PRR5L: variants seen among roughly 807,000 people sequenced by gnomAD.
PRR5L encodes proline-rich protein 5-like.
PRR5L carries 21 observed loss-of-function variants against 36.4 expected under a neutral mutation model. The ratio of observed to expected loss-of-function variants is 0.58; its 90% CI spans 0.41 to 0.83. PRR5L has a LOEUF of 0.83. Among genes scored for constraint, PRR5L ranks in the 40% least tolerant of loss-of-function variants. The pLI is 0.00. For missense variants in PRR5L, 381 were observed against 473.3 expected (o/e 0.80, Z 1.81); for synonymous variants, 188 against 197.0 (o/e 0.95, Z 0.38).
At chr11:36,359,444 G>A (rs944385997) in intron 1 of PRR5L, among the ~76,000 whole-genome samples, 2 of 152,078 alleles carry the variant, frequency 1.3e-5, no homozygotes, top group Admixed American at 1.3e-4. Context: ...GGAGTCTAGG[G>A]CATTAATTTT....
Position 36,339,063 on chromosome 11 carries a change from T to G in PRR5L, c.-126+42625T>G, listed in dbSNP as rs529162062. Among the ~76,000 whole-genome samples, 3 of 152,300 alleles carry G rather than the reference T, an allele frequency of 2.0e-5. No homozygotes were observed. In the South Asian group the frequency reaches 6.2e-4, roughly 32 times the overall value. ...AGTACCTTCTGCCCTCTATCATGAT[T>G]GTGAGACCTTCCTCAGCCATGTGGA... On this transcript the variant is annotated intron_variant, in intron 1 of 8. Coordinates refer to ENST00000530639, the MANE Select transcript of PRR5L (RefSeq NM_001160167.2).
intron 1 of PRR5L, among the ~76,000 whole-genome samples, chr11:36,356,271 T>C (rs569944825): frequency 3.3e-5 from 5 of 152,238 alleles, no homozygotes; most frequent in African/African-American, 9.6e-5. Context: ...CTGTCACTAG[T>C]AGGGAAGCAT....
At chr11:36,376,463 A>G (rs1857263537) in intron 1 of PRR5L, 2 of 1,123,700 alleles carry the variant, frequency 1.8e-6, no homozygotes, top group Non-Finnish European at 2.2e-6. Flanking sequence ...CTCGCGCTGG[A>G]GAGGAACCGA....
chr11:36,350,711 TC>T (rs1172780955), intron 1 of PRR5L, among the ~76,000 whole-genome samples: 1 of 150,846 alleles, frequency 6.6e-6, no homozygotes, highest in African/African-American at 2.4e-5. Context: ...TTCCCCCGAG[TC>T]CCCAAGTCCA....
chr11:36,416,191 T>C (rs1858139190), intron 3 of PRR5L, among the ~76,000 whole-genome samples: 1 of 152,210 alleles, frequency 6.6e-6, no homozygotes, highest in Non-Finnish European at 1.5e-5. Flanking sequence ...TCTGCATATA[T>C]ATATATAACA....
At chr11:36,343,350 A>G (rs570049581) in intron 1 of PRR5L, among the ~76,000 whole-genome samples, 2 of 152,346 alleles carry the variant, frequency 1.3e-5, no homozygotes, top group East Asian at 1.9e-4. Flanking sequence ...AAAAGTATAT[A>G]AGACGCCTTG....
At chr11:36,443,397 GA>G (rs1177064720) in intron 6 of PRR5L, among the ~76,000 whole-genome samples, 1 of 152,168 alleles carries the variant, frequency 6.6e-6, no homozygotes, top group African/African-American at 2.4e-5. Flanking sequence ...TAACACTGGA[GA>G]AAACATTTCA....
rs111329133 is a variant in PRR5L at position 36,299,897 on chromosome 11, G to A, written c.-126+3459G>A. ...GGTAAACAACAACAACAACAACAAC[G>A]ACAAACACTTCATCGCTGCTTGCAC... On this transcript the variant is annotated intron_variant, in intron 1 of 8. Coordinates refer to ENST00000530639, the MANE Select transcript of PRR5L (RefSeq NM_001160167.2). Among the ~76,000 whole-genome samples the A allele has an allele frequency of 3.1e-3, 466 of 152,134 alleles. 2 individuals are homozygous for A. The highest frequency in any genetic ancestry group is 0.011 in the African/African-American group (442 of 41,486).
At chr11:36,458,214 G>A (rs899764719) in intron 8 of PRR5L, among the ~76,000 whole-genome samples, 1 of 152,170 alleles carries the variant, frequency 6.6e-6, no homozygotes, top group Non-Finnish European at 1.5e-5. Context: ...CTTGACTTCA[G>A]TGGGTGGGCT....
chr11:36,341,248 T>C (rs1193103212), intron 1 of PRR5L, among the ~76,000 whole-genome samples: 2 of 152,176 alleles, frequency 1.3e-5, no homozygotes, highest in African/African-American at 2.4e-5. Flanking sequence ...GTTACTTGCC[T>C]GGCAGCCATG....
rs764886945 is a variant in PRR5L, at chr11:36,363,092, A to G, written c.-125-37905A>G. On this transcript the variant is annotated intron_variant, in intron 1 of 8. Transcript: ENST00000530639. ...TCTGCACCCTCGACCTGTGTGCAAT[A>G]ACTACTGCCTTTCCCAGACCACAGG... Among the ~76,000 whole-genome samples, 56 of 152,304 alleles carry G rather than the reference A, an allele frequency of 3.7e-4. 1 individual carries two copies. Among genetic ancestry groups the G allele is most frequent in the Admixed American group, 3.9e-4 (6 of 15,296 alleles).
At chr11:36,414,270 A>G (rs1858092694) in intron 3 of PRR5L, among the ~76,000 whole-genome samples, 2 of 150,796 alleles carry the variant, frequency 1.3e-5, no homozygotes, top group Admixed American at 1.3e-4. Flanking sequence ...CTAGTTCTAC[A>G]TCCCTGAGGA....
chr11:36,339,744 G>A lies in PRR5L; in HGVS notation c.-126+43306G>A, dbSNP rs550693937. 1.1e-3 allele frequency among the ~76,000 whole-genome samples: 174 copies of A among 152,304 alleles called. 1 individual carries two copies. Among genetic ancestry groups the A allele is most frequent in the African/African-American group, 4.2e-3 (173 of 41,560 alleles). On this transcript the variant is annotated intron_variant, in intron 1 of 8. Coordinates refer to ENST00000530639, the MANE Select transcript of PRR5L (RefSeq NM_001160167.2). ...AGTCACTATGGTAAGAAGGTGACTG[G>A]AAAACAATGGTGGTCTCATAATTTA... is the stretch of plus-strand genomic sequence containing the variant.
rs369104651 is a variant in PRR5L, at chr11:36,305,818, A to G, written c.-126+9380A>G. Among the ~76,000 whole-genome samples the G allele has an allele frequency of 5.3e-5, 8 of 152,340 alleles. No homozygotes were observed. The South Asian group carries it at 1.0e-3, about 20-fold the overall frequency. On this transcript the variant is annotated intron_variant, in intron 1 of 8. Coordinates refer to ENST00000530639, the MANE Select transcript of PRR5L (RefSeq NM_001160167.2). ...CCCAGCCTCCAAAACTGTAAGAAAC[A>G]AATTTCTGTTGTTGATAAGCCATTC...
intron 1 of PRR5L, among the ~76,000 whole-genome samples, chr11:36,380,922 G>A (rs576166695): frequency 5.9e-5 from 9 of 152,316 alleles, no homozygotes; most frequent in Admixed American, 2.0e-4. Flanking sequence ...TTTGTGGAGA[G>A]CAGTAGAAAT....
intron 1 of PRR5L, among the ~76,000 whole-genome samples, chr11:36,348,523 T>C (rs1856890707): frequency 6.6e-6 from 1 of 152,214 alleles, no homozygotes; most frequent in Non-Finnish European, 1.5e-5. Context: ...TCCGGGCACC[T>C]CTGTCTGCCT....
chr11:36,388,630 GATGGTAGCATA>G (rs1485029662), intron 1 of PRR5L, among the ~76,000 whole-genome samples: 2 of 151,426 alleles, frequency 1.3e-5, no homozygotes, highest in Non-Finnish European at 2.9e-5. Context: ...TTTTTACATA[GATGGTAGCATA>G]ATGTACACGT....
At chr11:36,310,131 C>T (rs187392011) in intron 1 of PRR5L, among the ~76,000 whole-genome samples, 24 of 152,164 alleles carry the variant, frequency 1.6e-4, no homozygotes, top group Admixed American at 1.4e-3. Flanking sequence ...ACAAATGGTA[C>T]CCCAATTTAC....
intron 5 of PRR5L, among the ~76,000 whole-genome samples, chr11:36,435,761 G>T (rs1590588154): frequency 6.6e-6 from 1 of 152,140 alleles, no homozygotes; most frequent in Admixed American, 6.5e-5. Flanking sequence ...ATTAAGTCCT[G>T]TTCTACACTG....
Sources: gnomAD v4.1 joint callset for allele counts (sites outside exome capture counted in the v4.1 genomes callset) on GRCh38, gnomAD v4.1.1 for gene constraint, MANE v1.5 for transcripts, NCBI Gene and HGNC (gene_info 2026-07-23, HGNC 2026-07-21) for gene names.